DMD: variants seen among roughly 807,000 people sequenced by gnomAD.
DMD encodes mutant dystrophin.
In DMD, 63 loss-of-function variants were observed where a neutral mutation model predicts 330.1. The observed-to-expected ratio is 0.19, with a 90% CI of 0.16 to 0.24. DMD has a LOEUF of 0.24. Among genes scored for constraint, DMD ranks in the 10% least tolerant of loss-of-function variants. The pLI is 1.00. For missense variants in DMD, 3,344 were observed against 2,684.1 expected, an observed-to-expected ratio of 1.25 and a Z score of -5.43; for synonymous variants, 1,223 against 959.8, an observed-to-expected ratio of 1.27 and a Z score of -5.07.
intron 44 of DMD, among the ~76,000 whole-genome samples, chrX:32,104,753 C>A (rs1179542156): frequency 3.6e-5 from 4 of 111,554 alleles, no homozygotes; most frequent in Non-Finnish European, 7.5e-5. Context: ...TTAAGAATCC[C>A]CTTTAATGTA....
chrX:32,471,140 G>T (rs181041779), intron 22 of DMD, among the ~76,000 whole-genome samples: 1 of 110,643 alleles, frequency 9.0e-6, no homozygotes, highest in Non-Finnish European at 1.9e-5. Flanking sequence ...TTAGCCAGGC[G>T]TGATGGCACG....
At chrX:31,583,785 T>A (rs2012551815) in intron 55 of DMD, among the ~76,000 whole-genome samples, 1 of 108,750 alleles carries the variant, frequency 9.2e-6, no homozygotes. Context: ...TACTTTAAGT[T>A]TTAGGGTCCA....
At chrX:33,041,676 T>C in intron 1 of DMD, 2 of 1,209,283 alleles carry the variant, frequency 1.7e-6, no homozygotes. Context: ...CTGAGGAATA[T>C]AAAGAAGCAC....
chrX:31,190,173 C>T (rs1262320583), intron 67 of DMD, among the ~76,000 whole-genome samples: 2 of 111,675 alleles, frequency 1.8e-5, no homozygotes, highest in East Asian at 5.6e-4. Context: ...AAAAACATCG[C>T]CAAATATGTT....
intron 44 of DMD, among the ~76,000 whole-genome samples, chrX:32,058,829 A>T (rs758675219): frequency 9.0e-6 from 1 of 111,722 alleles, no homozygotes; most frequent in Non-Finnish European, 1.9e-5. Context: ...TACAGTAGCC[A>T]AGAGGTGTGA....
intron 1 of DMD, among the ~76,000 whole-genome samples, chrX:33,089,627 A>G (rs777517076): frequency 1.8e-5 from 2 of 111,942 alleles, no homozygotes; most frequent in African/African-American, 6.5e-5. Context: ...ACTTTGAATC[A>G]GCCTTGCTAA....
intron 7 of DMD, among the ~76,000 whole-genome samples, chrX:32,764,461 T>C (rs143966234): frequency 0.021 from 2,279 of 111,054 alleles, 67 homozygotes; most frequent in African/African-American, 0.072. Context: ...CCCCATACCT[T>C]CTCTCCCCCA....
At chrX:32,206,282 T>C (rs1034457231) in intron 44 of DMD, 8 of 539,786 alleles carry the variant, frequency 1.5e-5, no homozygotes, top group Admixed American at 2.3e-5. Context: ...AGGAGGAGGA[T>C]GTGAAACTCA....
intron 51 of DMD, among the ~76,000 whole-genome samples, chrX:31,749,706 G>A (rs1242502587): frequency 3.4e-4 from 36 of 106,207 alleles, no homozygotes; most frequent in Middle Eastern, 4.7e-3. Flanking sequence ...CTAGATCCCT[G>A]AGGAATCGCC....
intron 30 of DMD, among the ~76,000 whole-genome samples, chrX:32,396,165 G>A (rs775339904): frequency 9.0e-6 from 1 of 111,018 alleles, no homozygotes; most frequent in East Asian, 2.8e-4. Flanking sequence ...GGGACATGAA[G>A]GACCAAGTAA....
chrX:33,188,202 A>G (rs145934496), intron 1 of DMD, among the ~76,000 whole-genome samples: 1 of 110,407 alleles, frequency 9.1e-6, no homozygotes, highest in African/African-American at 3.3e-5. Flanking sequence ...AAACAGCAAA[A>G]CTGCAGACCA....
chrX:32,879,565 G>A (rs1020591943), intron 2 of DMD, among the ~76,000 whole-genome samples: 7 of 112,246 alleles, frequency 6.2e-5, no homozygotes, highest in African/African-American at 2.3e-4. Context: ...TTTATTGAAT[G>A]ACAGTTAAAG....
chrX:31,653,183 C>T (rs1170631056), intron 54 of DMD, among the ~76,000 whole-genome samples: 1 of 111,000 alleles, frequency 9.0e-6, no homozygotes, highest in Non-Finnish European at 1.9e-5. Flanking sequence ...GAGTGACTTA[C>T]AAGTGCCTTC....
intron 44 of DMD, among the ~76,000 whole-genome samples, chrX:32,034,168 A>G (rs2095919837): frequency 8.9e-6 from 1 of 111,910 alleles, no homozygotes; most frequent in African/African-American, 3.2e-5. Flanking sequence ...ATACATTTCT[A>G]ATGTGTGAAT....
At chrX:31,687,394 G>A (rs972725782) in intron 52 of DMD, among the ~76,000 whole-genome samples, 2 of 111,353 alleles carry the variant, frequency 1.8e-5, no homozygotes, top group African/African-American at 6.5e-5. Flanking sequence ...CTAGGTTCTT[G>A]GACAGCATTT....
chrX:32,597,721 G>A (rs957739818), intron 12 of DMD, among the ~76,000 whole-genome samples: 1 of 111,564 alleles, frequency 9.0e-6, no homozygotes, highest in Non-Finnish European at 1.9e-5. Context: ...ATGAACAGGG[G>A]TAAACACAGG....
At chrX:32,956,737 T>C (rs1054268404) in intron 2 of DMD, among the ~76,000 whole-genome samples, 1 of 111,249 alleles carries the variant, frequency 9.0e-6, no homozygotes. Flanking sequence ...TCTAATACTA[T>C]GTTAAATAGG....
chrX:31,645,365 C>T (rs2080023973), intron 54 of DMD, among the ~76,000 whole-genome samples: 1 of 112,141 alleles, frequency 8.9e-6, no homozygotes, highest in African/African-American at 3.2e-5. Context: ...CTCTCTCTGT[C>T]TCTAGCTAGC....
At position 32,323,551 on chromosome X, in the gene DMD, T is replaced by G. The variant is rs139882261; in HGVS notation, c.5923-13275A>C. 3.0e-3 allele frequency among the ~76,000 whole-genome samples: 340 copies of G among 111,693 alleles called. 11 individuals carry two copies. The East Asian group carries it at 0.082, about 27-fold the overall frequency. The stretch of plus-strand genomic sequence containing the variant: ...TCTTTTTAAAGGATTTTGCCTTTGA[T>G]TGAAAATAATGAGGAGTTGACTAAG... On this transcript the variant is annotated intron_variant, in intron 41 of 78. Coordinates refer to ENST00000357033, the MANE Select transcript of DMD (RefSeq NM_004006.3).
Sources: allele counts gnomAD v4.1 joint callset (sites outside exome capture counted in the v4.1 genomes callset), GRCh38; gene constraint gnomAD v4.1.1; transcripts MANE v1.5; gene names NCBI Gene and HGNC (gene_info 2026-07-23, HGNC 2026-07-21).